Variants in ZFR2 observed in about 807,000 individuals in gnomAD.
ZFR2 encodes zinc finger RNA-binding protein 2.
Under a neutral mutation model 105.7 loss-of-function variants are expected in ZFR2, and 104 were observed. The ratio of observed to expected loss-of-function variants is 0.98; its 90% CI spans 0.84 to 1.16. The LOEUF is 1.16. ZFR2 is among the 50% of genes most tolerant of loss of function. The probability of loss-of-function intolerance (pLI) is 0.00; values close to 1 mark genes in which losing one functional copy is unlikely to be tolerated. For missense variants in ZFR2, 1,425 were observed against 1,355.5 expected, an observed-to-expected ratio of 1.05 and a Z score of -0.80; for synonymous variants, 634 against 597.7, an observed-to-expected ratio of 1.06 and a Z score of -0.89.
chr19:3,845,160 G>A (rs1331700405), intron 1 of ZFR2, among the ~76,000 whole-genome samples: 2 of 152,180 alleles, frequency 1.3e-5, no homozygotes, highest in Admixed American at 6.5e-5. Flanking sequence ...TCTTCTTACA[G>A]GGATCCAGTC....
chr19:3,813,884 G>A lies in ZFR2; in HGVS notation c.2178C>T (p.Pro726=). Residue 726 remains proline (P), a synonymous_variant, in exon 14 of 19, where the codon CCC becomes CCT. Coordinates refer to ENST00000262961, the MANE Select transcript of ZFR2 (RefSeq NM_015174.2). The surrounding 1 kb of genome is among the most constrained non-coding windows in gnomAD (Gnocchi z 4.4). ...TGACAGATATGGTGACCTGCATCCT[G>A]GGCTCCTCACAGGAGGAGATGACAA... ...ANIVISSCEE[P]RMQVTISVTS... is the part of the protein sequence containing the mutation. The A allele has an allele frequency of 3.1e-6, 5 of 1,613,936 alleles. No individual in the cohort carries two copies. Among genetic ancestry groups the A allele is most frequent in the Non-Finnish European group, 4.2e-6 (5 of 1,179,856 alleles).
chr19:3,821,339 C>CCTACT lies in ZFR2; in HGVS notation c.1631_1631+1insAGTAG (p.Arg545ValfsTer111). 6.3e-7 allele frequency: 1 copy of CCTACT among 1,589,890 alleles called. No individual in the cohort carries two copies. The highest frequency in any genetic ancestry group is 1.1e-5 in the South Asian group (1 of 88,684). On this transcript the variant is annotated frameshift_variant and splice_region_variant. Coordinates refer to ENST00000262961, the MANE Select transcript of ZFR2 (RefSeq NM_015174.2). LOFTEE classifies it high-confidence loss of function. ...CCTTGCCAAGACCCGCAGCCGGGCA[C>CCTACT]CTCCTCTCCGCGTGCCAGCGCCGCA...
intron 7 of ZFR2, among the ~76,000 whole-genome samples, chr19:3,824,406 C>G (rs2037927388): frequency 6.6e-6 from 1 of 152,208 alleles, no homozygotes; most frequent in Non-Finnish European, 1.5e-5. Flanking sequence ...CTAGTTAACG[C>G]GGGTCAGCTC....
chr19:3,821,458 G>A lies in ZFR2; in HGVS notation c.1513C>T (p.Pro505Ser), dbSNP rs377571405. ...QYRKKVNPDL[P>S]IATEPSSRAR... is the part of the protein sequence containing the mutation. ...CGGCTGCTGGGCTCCGTGGCAATGG[G>A]AAGGTCCGGGTTCACTTTCTTCTGG... is the stretch of plus-strand genomic sequence containing the variant. The change falls in exon 10 of 19, where the codon CCC becomes TCC. Residue 505 changes from proline to serine, a missense_variant. Pro to Ser is a moderately conservative substitution (Grantham distance 74). Transcript: ENST00000262961. 3.7e-5 allele frequency: 59 copies of A among 1,607,552 alleles called. 1 individual carries two copies. Among genetic ancestry groups the A allele is most frequent in the Non-Finnish European group, 4.8e-5 (56 of 1,175,912 alleles).
At chr19:3,807,559 G>A (rs1172234928) in intron 17 of ZFR2, among the ~76,000 whole-genome samples, 1 of 152,158 alleles carries the variant, frequency 6.6e-6, no homozygotes, top group Admixed American at 6.5e-5. Context: ...ACGCTGACGT[G>A]TGTGTCCATG....
intron 5 of ZFR2, among the ~76,000 whole-genome samples, chr19:3,830,589 C>A (rs1337043848): frequency 6.6e-6 from 1 of 152,134 alleles, no homozygotes; most frequent in East Asian, 1.9e-4. Context: ...ACCGGCCCCC[C>A]ATCCCCAGCT....
At chr19:3,822,275 G>A (rs2145148769) in intron 8 of ZFR2, 75 bp from the exon 9 acceptor site, 2 of 1,530,998 alleles carry the variant, frequency 1.3e-6, no homozygotes, top group Non-Finnish European at 1.8e-6. Flanking sequence ...CTGCCAGGTC[G>A]CGGCGGAGCC....
At chr19:3,841,410 T>G (rs961351163) in intron 1 of ZFR2, among the ~76,000 whole-genome samples, 4 of 152,124 alleles carry the variant, frequency 2.6e-5, no homozygotes, top group Non-Finnish European at 5.9e-5. Flanking sequence ...AATATGCAGG[T>G]GCGGTGGCTC....
chr19:3,809,180 TTTC>T (rs1275965805), intron 16 of ZFR2, among the ~76,000 whole-genome samples, 197 bp from the exon 17 acceptor site: 1 of 152,200 alleles, frequency 6.6e-6, no homozygotes, highest in Non-Finnish European at 1.5e-5. Flanking sequence ...GGCTGGTTTC[TTTC>T]TTTTCTGAGA....
At chr19:3,812,687 C>T (rs1476267982) in intron 14 of ZFR2, among the ~76,000 whole-genome samples, 1 of 152,146 alleles carries the variant, frequency 6.6e-6, no homozygotes, top group African/African-American at 2.4e-5. Context: ...CCACACTGTA[C>T]TTAGTTTTTA....
chr19:3,808,036 C>CT (rs1568415564), intron 17 of ZFR2, among the ~76,000 whole-genome samples: 17 of 132,020 alleles, frequency 1.3e-4, no homozygotes, highest in Non-Finnish European at 1.6e-5. Context: ...CACTCATGTC[C>CT]TTGTGTGCCC....
chr19:3,811,537 C>T (rs1379656685), intron 14 of ZFR2, among the ~76,000 whole-genome samples, 171 bp from the exon 15 acceptor site: 3 of 151,958 alleles, frequency 2.0e-5, no homozygotes, highest in African/African-American at 7.3e-5. Context: ...TCACTGCAAC[C>T]TCTGTCTCCG....
chr19:3,845,656 G>C (rs571116573), intron 1 of ZFR2, among the ~76,000 whole-genome samples: 3 of 151,152 alleles, frequency 2.0e-5, no homozygotes, highest in African/African-American at 7.3e-5. Flanking sequence ...TTAGCCAGGC[G>C]TGGTGGTGTG....
intron 1 of ZFR2, among the ~76,000 whole-genome samples, chr19:3,857,222 G>T (rs934986535): frequency 1.3e-5 from 2 of 151,406 alleles, no homozygotes; most frequent in African/African-American, 4.9e-5. Context: ...CGAGTACCTG[G>T]GACTACAGGC....
chr19:3,837,363 C>T (rs1287512188), intron 1 of ZFR2, among the ~76,000 whole-genome samples: 2 of 151,864 alleles, frequency 1.3e-5, no homozygotes, highest in Non-Finnish European at 2.9e-5. Flanking sequence ...ACACCATGAC[C>T]ATGACACTCG....
intron 18 of ZFR2, 55 bp from the exon 19 acceptor site, chr19:3,806,180 T>A: frequency 7.2e-7 from 1 of 1,391,372 alleles, no homozygotes; most frequent in Non-Finnish European, 9.3e-7. Flanking sequence ...CCCCGAGTGC[T>A]GGGGACACAG....
At chr19:3,854,813 G>A (rs998909215) in intron 1 of ZFR2, among the ~76,000 whole-genome samples, 1 of 152,230 alleles carries the variant, frequency 6.6e-6, no homozygotes, top group Non-Finnish European at 1.5e-5. Context: ...ACCCTGGCTA[G>A]AGTACAGTGA....
At chr19:3,831,918 A>AC (rs1454494714) in intron 3 of ZFR2, 40 bp from the exon 4 acceptor site, 2 of 1,466,344 alleles carry the variant, frequency 1.4e-6, no homozygotes, top group Admixed American at 4.7e-5. Context: ...GCCAACCCCC[A>AC]CCCCACTGTC....
rs763368133 is a variant in ZFR2, at chr19:3,807,244, G to T, written c.2571C>A (p.Cys857Ter). ...CGAGGGCATCTGTCTGGTCTCTCTC[G>T]CAGGGATCCTGGAGCCCGGGCCCGT... ...LTDGPGLQDP[C>*]ERDQTDALEP... Residue 857 changes from cysteine to a stop codon, truncating the protein, a stop_gained, in exon 18 of 19, where the codon TGC (cysteine) becomes TGA (stop). Transcript: ENST00000262961. LOFTEE classifies it high-confidence loss of function. 73 of 1,560,486 alleles carry T rather than the reference G, an allele frequency of 4.7e-5. No homozygotes were observed. The Admixed American group carries it at 1.3e-3, about 28-fold the overall frequency.
Sources: gnomAD v4.1 joint callset for allele counts (sites outside exome capture counted in the v4.1 genomes callset) on GRCh38, gnomAD v4.1.1 for gene constraint, Gnocchi (gnomAD v3.1) non-coding constraint, MANE v1.5 for transcripts, NCBI Gene and HGNC (gene_info 2026-07-23, HGNC 2026-07-21) for gene names.